Variants in NKAIN3 observed in about 807,000 individuals in gnomAD.
NKAIN3 encodes the protein sodium/potassium transporting ATPase interacting 3.
Under a neutral mutation model 30.2 loss-of-function variants are expected in NKAIN3, and 25 were observed. The ratio of observed to expected loss-of-function variants is 0.83; its 90% CI spans 0.60 to 1.16. The LOEUF (loss-of-function observed/expected upper bound fraction) is 1.16. NKAIN3 is among the 50% of genes most tolerant of loss of function. The pLI, the probability that NKAIN3 is intolerant of heterozygous loss-of-function variation, is 0.00. For missense variants in NKAIN3, 225 were observed against 254.1 expected, an observed-to-expected ratio of 0.89 and a Z score of 0.78; for synonymous variants, 91 against 89.6, an observed-to-expected ratio of 1.02 and a Z score of -0.09.
At chr8:62,258,243 C>T (rs576059155) in intron 1 of NKAIN3, among the ~76,000 whole-genome samples, 1 of 152,226 alleles carries the variant, frequency 6.6e-6, no homozygotes, top group African/African-American at 2.4e-5. Flanking sequence ...GGTTTCTTTG[C>T]AGAAGTTTTG....
intron 3 of NKAIN3, among the ~76,000 whole-genome samples, chr8:62,744,228 A>C (rs1441903953): frequency 6.6e-6 from 1 of 152,204 alleles, no homozygotes; most frequent in Non-Finnish European, 1.5e-5. Flanking sequence ...TGTCATTTTC[A>C]GAGCTCCCAC....
chr8:62,459,862 T>C (rs368209415), intron 1 of NKAIN3, among the ~76,000 whole-genome samples: 2 of 152,064 alleles, frequency 1.3e-5, no homozygotes, highest in African/African-American at 4.8e-5. Context: ...GAAGAAAATA[T>C]CATGTGGGAC....
At chr8:62,861,497 T>C (rs1820237600) in intron 4 of NKAIN3, among the ~76,000 whole-genome samples, 2 of 152,208 alleles carry the variant, frequency 1.3e-5, no homozygotes, top group Admixed American at 6.5e-5. Flanking sequence ...AGGCTAGCCC[T>C]GGTGCTTTTA....
chr8:62,699,600 T>G (rs1461435768), intron 3 of NKAIN3, among the ~76,000 whole-genome samples: 1 of 152,200 alleles, frequency 6.6e-6, no homozygotes, highest in East Asian at 1.9e-4. Flanking sequence ...TTAGTTGAAC[T>G]TAAGATCTTC....
chr8:62,901,888 G>A (rs899740036), intron 4 of NKAIN3, among the ~76,000 whole-genome samples: 2 of 152,184 alleles, frequency 1.3e-5, no homozygotes, highest in Non-Finnish European at 2.9e-5. Context: ...TGGATGGCAG[G>A]AGCAGCACCT....
chr8:62,552,329 G>T lies in NKAIN3; in HGVS notation c.55-27210G>T, dbSNP rs1245587237. 2.0e-5 allele frequency among the ~76,000 whole-genome samples: 3 copies of T among 152,194 alleles called. No homozygotes were observed. In the East Asian group the frequency reaches 5.8e-4, roughly 29 times the overall value. On this transcript the variant is annotated intron_variant, in intron 1 of 6. Coordinates refer to ENST00000623646, the MANE Select transcript of NKAIN3 (RefSeq NM_001304533.3). ...AATTTTGCCAAGCTATTCACAGCAT[G>T]AGTCTGATAATCCCTCGATGGAGAG...
chr8:62,708,710 T>C (rs920630545), intron 3 of NKAIN3, among the ~76,000 whole-genome samples: 1 of 152,178 alleles, frequency 6.6e-6, no homozygotes, highest in African/African-American at 2.4e-5. Context: ...GGATGCCTTT[T>C]ATTTCTTTCT....
At chr8:62,615,167 G>A (rs1177030215) in intron 3 of NKAIN3, among the ~76,000 whole-genome samples, 1 of 151,944 alleles carries the variant, frequency 6.6e-6, no homozygotes, top group East Asian at 1.9e-4. Flanking sequence ...GTAGTACCTG[G>A]TATTGCTGCT....
chr8:62,844,492 C>A (rs1314247647), intron 4 of NKAIN3, among the ~76,000 whole-genome samples: 3 of 152,116 alleles, frequency 2.0e-5, no homozygotes, highest in African/African-American at 7.2e-5. Context: ...TCACTTACAA[C>A]AAAATGTGAA....
At chr8:62,792,811 C>A (rs753413648) in intron 4 of NKAIN3, among the ~76,000 whole-genome samples, 40 of 151,970 alleles carry the variant, frequency 2.6e-4, no homozygotes, top group Admixed American at 7.2e-4. Flanking sequence ...ACAGCACAGA[C>A]AATTTTATGA....
intron 4 of NKAIN3, among the ~76,000 whole-genome samples, chr8:62,805,643 A>C (rs1407319382): frequency 2.6e-5 from 4 of 152,190 alleles, no homozygotes; most frequent in East Asian, 1.9e-4. Flanking sequence ...CCTTATACAA[A>C]AATTAATTCA....
chr8:62,426,749 C>G (rs1430970157), intron 1 of NKAIN3, among the ~76,000 whole-genome samples: 1 of 151,956 alleles, frequency 6.6e-6, no homozygotes, highest in Non-Finnish European at 1.5e-5. Context: ...AGGAGCAATG[C>G]TGAAGTTTCT....
At chr8:62,777,254 C>A (rs1201614730) in intron 4 of NKAIN3, among the ~76,000 whole-genome samples, 2 of 152,084 alleles carry the variant, frequency 1.3e-5, no homozygotes, top group African/African-American at 4.8e-5. Context: ...TTTGGACGTT[C>A]TTTGATATTA....
intron 1 of NKAIN3, among the ~76,000 whole-genome samples, chr8:62,529,350 A>G (rs1808415264): frequency 6.6e-6 from 1 of 152,178 alleles, no homozygotes; most frequent in Admixed American, 6.5e-5. Flanking sequence ...TCTGCTTTTC[A>G]TTATGCTTGT....
chr8:62,614,560 C>A (rs564947198), intron 3 of NKAIN3, among the ~76,000 whole-genome samples: 1 of 152,110 alleles, frequency 6.6e-6, no homozygotes, highest in African/African-American at 2.4e-5. Context: ...GGTGGCAAAA[C>A]CAACTAGGCC....
intron 1 of NKAIN3, among the ~76,000 whole-genome samples, chr8:62,258,997 CA>C (rs1273395810): frequency 6.6e-6 from 1 of 152,146 alleles, no homozygotes; most frequent in African/African-American, 2.4e-5. Context: ...TCATGTGTTA[CA>C]CAGAAATTCA....
chr8:62,304,943 A>C (rs1485684796), intron 1 of NKAIN3, among the ~76,000 whole-genome samples: 1 of 150,486 alleles, frequency 6.6e-6, no homozygotes, highest in Non-Finnish European at 1.5e-5. Flanking sequence ...GTGAGGCAAA[A>C]ATGTAATGAA....
chr8:62,596,610 A>G (rs77882928), intron 3 of NKAIN3, among the ~76,000 whole-genome samples: 16,074 of 152,016 alleles, frequency 0.11, 1,045 homozygotes, highest in East Asian at 0.27. Context: ...CTAGTGCCCA[A>G]GTGAGGGCTA....
chr8:62,656,661 G>T (rs933668478), intron 3 of NKAIN3, among the ~76,000 whole-genome samples: 1 of 152,104 alleles, frequency 6.6e-6, no homozygotes, highest in Non-Finnish European at 1.5e-5. Flanking sequence ...TTTGCGAATT[G>T]CGATAAGAGT....
Sources: allele counts gnomAD v4.1 joint callset (sites outside exome capture counted in the v4.1 genomes callset), GRCh38; gene constraint gnomAD v4.1.1; transcripts MANE v1.5; gene names NCBI Gene and HGNC (gene_info 2026-07-23, HGNC 2026-07-21).